Variants in PCLAF observed in about 807,000 individuals in gnomAD.
PCLAF encodes the protein PCNA clamp associated factor.
PCLAF carries 12 observed loss-of-function variants against 15.1 expected under a neutral mutation model. The ratio of observed to expected loss-of-function variants is 0.79; its 90% confidence interval spans 0.51 to 1.29. PCLAF has a LOEUF of 1.29. Among genes scored for constraint, PCLAF ranks in the 50% most tolerant of loss-of-function variants. The pLI is 0.00. For missense variants in PCLAF, 116 were observed against 130.9 expected (o/e 0.89, Z 0.56); for synonymous variants, 33 against 47.1 (o/e 0.70, Z 1.22).
At chr15:64,370,050 A>C (rs1362168704) in intron 3 of PCLAF, among the ~76,000 whole-genome samples, 2 of 151,786 alleles carry the variant, frequency 1.3e-5, no homozygotes, top group Non-Finnish European at 2.9e-5. Context: ...GTGTGTGACC[A>C]TGTGAACCAA....
chr15:64,377,423 C>T (rs532511894), intron 2 of PCLAF, among the ~76,000 whole-genome samples: 1,890 of 135,264 alleles, frequency 0.014, 21 homozygotes, highest in Non-Finnish European at 0.022. Context: ...GCCAAGATTG[C>T]GCCGCCACTG....
At chr15:64,376,402 A>C (rs534627460) in intron 3 of PCLAF, among the ~76,000 whole-genome samples, 2 of 152,138 alleles carry the variant, frequency 1.3e-5, no homozygotes, top group South Asian at 4.1e-4. Flanking sequence ...TTTTTATTTG[A>C]GACAGAGTCT....
At chr15:64,378,847 G>T (rs1899721966) in intron 2 of PCLAF, among the ~76,000 whole-genome samples, 1 of 151,670 alleles carries the variant, frequency 6.6e-6, no homozygotes, top group South Asian at 2.1e-4. Flanking sequence ...GGAGGCGGAG[G>T]TTGCAGTGAG....
At chr15:64,383,737 T>C (rs1899880613), upstream of PCLAF, among the ~76,000 whole-genome samples, 1 of 152,204 alleles carries the variant, frequency 6.6e-6, no homozygotes, top group African/African-American at 2.4e-5. Flanking sequence ...CTGAATTACT[T>C]AATTTGAACT....
intron 3 of PCLAF, among the ~76,000 whole-genome samples, chr15:64,367,274 C>T (rs1899076052): frequency 6.6e-6 from 1 of 151,926 alleles, no homozygotes; most frequent in African/African-American, 2.4e-5. Flanking sequence ...GAGGCCGAGG[C>T]GGGTGGATCA....
At position 64,381,341 on chromosome 15, in the gene PCLAF, C is replaced by G; in HGVS notation, c.31G>C (p.Gly11Arg). 1 of 1,614,172 alleles carries G rather than the reference C, an allele frequency of 6.2e-7. No homozygotes were observed. Among genetic ancestry groups the G allele is most frequent in the Non-Finnish European group, 8.5e-7 (1 of 1,180,018 alleles). Reference protein sequence around the residue: MVRTKADSVPGTYRKVVAARA... With the variant: MVRTKADSVPRTYRKVVAARA... The stretch of plus-strand genomic sequence containing the variant: ...ATCGCCTCACCTTTTCTGTAAGTGC[C>G]TGGAACACTGTCTGCTTTAGTCCGC... Residue 11 changes from glycine to arginine, a missense_variant, in exon 1 of 4, where the codon GGC (glycine) becomes CGC (arginine). Gly to Arg is a moderately radical substitution (Grantham distance 125, BLOSUM62 -2). Transcript: ENST00000300035.
upstream of PCLAF, among the ~76,000 whole-genome samples, chr15:64,385,128 A>C (rs2140537325): frequency 6.6e-6 from 1 of 152,140 alleles, no homozygotes; most frequent in South Asian, 2.1e-4. Context: ...GAGTTCAACC[A>C]ATCCTCCCAC....
chr15:64,377,990 G>C (rs969827131), intron 2 of PCLAF, among the ~76,000 whole-genome samples: 10 of 151,670 alleles, frequency 6.6e-5, no homozygotes, highest in African/African-American at 2.2e-4. Flanking sequence ...CAGTGCAGTG[G>C]CACGATCTTG....
upstream of PCLAF, among the ~76,000 whole-genome samples, chr15:64,385,355 A>G (rs1298288046): frequency 6.6e-6 from 1 of 152,062 alleles, no homozygotes; most frequent in East Asian, 1.9e-4. Context: ...ATTAAGAAAT[A>G]CCTAGAGGGC....
At chr15:64,372,318 G>A (rs1477783760) in intron 3 of PCLAF, among the ~76,000 whole-genome samples, 3 of 152,060 alleles carry the variant, frequency 2.0e-5, no homozygotes, top group Admixed American at 6.6e-5. Flanking sequence ...TTACCACATA[G>A]AAAGTAAAAT....
rs1184005084 is a variant in PCLAF, at chr15:64,380,297, C to T, written c.127+661G>A. Among the ~76,000 whole-genome samples, 5 of 152,008 alleles carry T rather than the reference C, an allele frequency of 3.3e-5. No homozygotes were observed. The East Asian group carries it at 5.8e-4, about 18-fold the overall frequency. On this transcript the variant is annotated intron_variant, in intron 2 of 3. Transcript: ENST00000300035. Reference sequence around the variant, plus strand: ...ACTCAGGAGGCAGAGGCAGGAGAATCGTGTGAACCCGAGAGGCGGAGGTTG... The same window carrying T: ...ACTCAGGAGGCAGAGGCAGGAGAATTGTGTGAACCCGAGAGGCGGAGGTTG...
At chr15:64,379,174 G>A (rs997356511) in intron 2 of PCLAF, among the ~76,000 whole-genome samples, 7 of 151,718 alleles carry the variant, frequency 4.6e-5, no homozygotes, top group African/African-American at 7.3e-5. Flanking sequence ...GATGAGATGC[G>A]GCTCTAATGA....
rs771625524 is a variant in PCLAF at position 64,366,030 on chromosome 15, C to G, written c.336G>C (p.Ter112TyrextTer7). 3.7e-6 allele frequency: 6 copies of G among 1,607,760 alleles called. No individual in the cohort carries two copies. The highest frequency in any genetic ancestry group is 5.1e-6 in the Non-Finnish European group (6 of 1,175,778). The change falls in exon 4 of 4, where the codon TAG becomes TAC. Residue 112 changes from the stop codon to tyrosine, a stop_lost. Transcript: ENST00000300035. ...TTATTCAAAGATGAATGAGAAAGTT[C>G]TATTCTTTTTCATCATTTGTGTGAT... ...QPDHTNDEKE[*>Y] is the part of the protein sequence containing the mutation.
At chr15:64,367,851 T>C (rs911099496) in intron 3 of PCLAF, among the ~76,000 whole-genome samples, 4 of 151,128 alleles carry the variant, frequency 2.6e-5, no homozygotes, top group Non-Finnish European at 4.4e-5. Flanking sequence ...CCCAGCCTCA[T>C]TACACTTTTT....
chr15:64,366,242 A>C (rs929793124), intron 3 of PCLAF, among the ~76,000 whole-genome samples, 167 bp from the exon 4 acceptor site: 1 of 152,202 alleles, frequency 6.6e-6, no homozygotes, highest in Admixed American at 6.5e-5. Context: ...AACACCTACA[A>C]ATTTCAAGTA....
upstream of PCLAF, among the ~76,000 whole-genome samples, chr15:64,383,495 T>C (rs1272567281): frequency 6.6e-6 from 1 of 151,902 alleles, no homozygotes; most frequent in Non-Finnish European, 1.5e-5. Flanking sequence ...GCCTCCCACG[T>C]AGCTGGGATT....
At chr15:64,376,459 A>G (rs1206696175) in intron 3 of PCLAF, among the ~76,000 whole-genome samples, 2 of 152,052 alleles carry the variant, frequency 1.3e-5, no homozygotes, top group African/African-American at 4.8e-5. Flanking sequence ...AATGAGATAC[A>G]TGTGCATTAC....
intron 3 of PCLAF, chr15:64,373,455 A>C: frequency 2.0e-6 from 1 of 497,966 alleles, no homozygotes; most frequent in Non-Finnish European, 3.2e-6. Flanking sequence ...ATTCGGTTTT[A>C]GTGTATGGGT....
intron 1 of PCLAF, 125 bp downstream of exon 1, chr15:64,381,201 C>T: frequency 7.9e-7 from 1 of 1,269,184 alleles, no homozygotes; most frequent in Non-Finnish European, 1.1e-6. Flanking sequence ...GGCCAGGCGG[C>T]TACTCCCTGG....
Sources: allele counts gnomAD v4.1 joint callset (sites outside exome capture counted in the v4.1 genomes callset), GRCh38; gene constraint gnomAD v4.1.1; transcripts MANE v1.5; gene names NCBI Gene and HGNC (gene_info 2026-07-23, HGNC 2026-07-21).